The following PPARD variants were observed in gnomAD, a reference collection of about 807,000 sequenced individuals.
The protein encoded by PPARD is peroxisome proliferator-activated receptor delta.
A neutral mutation model predicts 39.5 loss-of-function variants in PPARD; 6 were observed. The observed-to-expected ratio is 0.15, with a 90% CI of 0.08 to 0.30. The LOEUF is 0.30. Among genes scored for constraint, PPARD ranks in the 10% least tolerant of loss-of-function variants. The pLI is 1.00. For synonymous variants in PPARD, 210 were observed against 231.3 expected (o/e 0.91, Z 0.83); for missense variants, 397 against 596.8 (o/e 0.67, Z 3.49).
intron 2 of PPARD, among the ~76,000 whole-genome samples, chr6:35,364,600 A>AT (rs543278087): frequency 0.013 from 1,927 of 146,724 alleles, 54 homozygotes; most frequent in African/African-American, 0.044. Context: ...CGCCTGGCTA[A>AT]TTTTTTTTTT....
At chr6:35,405,901 A>T (rs1035320876) in intron 2 of PPARD, among the ~76,000 whole-genome samples, 3 of 151,304 alleles carry the variant, frequency 2.0e-5, no homozygotes, top group African/African-American at 7.3e-5. Flanking sequence ...AAGTGCTGGG[A>T]TTACAGGCAT....
intron 1 of PPARD, among the ~76,000 whole-genome samples, chr6:35,344,772 T>C (rs998129496): frequency 7.2e-5 from 11 of 152,174 alleles, no homozygotes; most frequent in African/African-American, 2.7e-4. Flanking sequence ...GACCAGACTT[T>C]AAAGTTTTGT....
chr6:35,352,339 A>G (rs759524219), intron 2 of PPARD, among the ~76,000 whole-genome samples: 13 of 151,666 alleles, frequency 8.6e-5, no homozygotes, highest in Non-Finnish European at 1.0e-4. Flanking sequence ...GCGCACCCCA[A>G]TGCCCGGCTA....
Position 35,420,426 on chromosome 6 carries a change from T to G in PPARD, c.285+145T>G, listed in dbSNP as rs1234432369. ...TGCCCAGGAGGCAGCCAGGCCCTTGTGCTCCAGACCTCAGCTCTGGGCACT... is the reference window on the plus strand; with the variant it reads ...TGCCCAGGAGGCAGCCAGGCCCTTGGGCTCCAGACCTCAGCTCTGGGCACT... On this transcript the variant is annotated intron_variant, in intron 4 of 7. Transcript: ENST00000360694. 4.3e-6 allele frequency: 5 copies of G among 1,169,350 alleles called. 1 individual carries two copies. In the South Asian group the frequency reaches 6.7e-5, roughly 16 times the overall value. The allele number at this position is 1,169,350 out of a possible 1,614,324, so 72.4% of individuals were successfully genotyped here. A position where few individuals can be genotyped will look rare whatever the true frequency, so the allele number is the denominator to read the frequency against.
chr6:35,391,008 C>T (rs1048242496), intron 2 of PPARD, among the ~76,000 whole-genome samples: 12 of 151,938 alleles, frequency 7.9e-5, no homozygotes, highest in Non-Finnish European at 1.5e-4. Context: ...GTCTTGGTGA[C>T]AGAGTGAGAC....
intron 2 of PPARD, among the ~76,000 whole-genome samples, chr6:35,409,474 C>A (rs905808604): frequency 2.0e-5 from 3 of 151,970 alleles, no homozygotes; most frequent in African/African-American, 7.3e-5. Flanking sequence ...CACTGCACTC[C>A]AGCCTAGGCG....
chr6:35,363,922 TATTAA>T lies in PPARD; in HGVS notation c.-102+16778_-102+16782del, dbSNP rs1217729273. Among the ~76,000 whole-genome samples the T allele has an allele frequency of 1.3e-5, 2 of 148,488 alleles. No homozygotes were observed. The highest frequency in any genetic ancestry group is 1.9e-4 in the East Asian group (1 of 5,170). ...TATATTAACTGTGTTTTATATATTATATTAAATTAATATATTTATATATTATATTA... is the reference window on the plus strand; with the variant it reads ...TATATTAACTGTGTTTTATATATTATATTAATATATTTATATATTATATTA... On this transcript the variant is annotated intron_variant, in intron 2 of 7. Transcript: ENST00000360694. This position sits in a 1 kb window ranked among gnomAD's most constrained non-coding sequence, Gnocchi z 4.5.
At chr6:35,394,606 A>T (rs1335745193) in intron 2 of PPARD, among the ~76,000 whole-genome samples, 4 of 151,880 alleles carry the variant, frequency 2.6e-5, no homozygotes, top group Admixed American at 1.3e-4. Flanking sequence ...CCCCATCTCT[A>T]CTAAAAATAC....
At chr6:35,358,270 A>G (rs1389192533) in intron 2 of PPARD, among the ~76,000 whole-genome samples, 1 of 152,156 alleles carries the variant, frequency 6.6e-6, no homozygotes, top group African/African-American at 2.4e-5. Flanking sequence ...AATGCAACGA[A>G]CGTAGCTTTG....
At chr6:35,416,733 C>A (rs1235854319) in intron 3 of PPARD, among the ~76,000 whole-genome samples, 1 of 152,190 alleles carries the variant, frequency 6.6e-6, no homozygotes, top group Non-Finnish European at 1.5e-5. Flanking sequence ...TCTGCCATCA[C>A]CTTTCTTTCA....
chr6:35,399,664 T>A (rs1327733935), intron 2 of PPARD, among the ~76,000 whole-genome samples: 2 of 152,042 alleles, frequency 1.3e-5, no homozygotes, highest in South Asian at 4.1e-4. Flanking sequence ...TGAACTGAGG[T>A]CACACCTGCA....
chr6:35,419,283 G>A (rs1765986997), intron 3 of PPARD, among the ~76,000 whole-genome samples: 1 of 152,170 alleles, frequency 6.6e-6, no homozygotes, highest in Non-Finnish European at 1.5e-5. Context: ...AGGAAGCTGA[G>A]ACTCAGTTCA....
chr6:35,374,657 CAAAAA>C (rs372824499), intron 2 of PPARD, among the ~76,000 whole-genome samples: 2 of 80,574 alleles, frequency 2.5e-5, no homozygotes, highest in African/African-American at 3.5e-5. Flanking sequence ...GACTCTGTCT[CAAAAA>C]AAAAAAAAAA....
chr6:35,360,605 G>A (rs935234542), intron 2 of PPARD, among the ~76,000 whole-genome samples: 3 of 152,212 alleles, frequency 2.0e-5, no homozygotes, highest in Non-Finnish European at 1.5e-5. Context: ...GGCTCTCCAG[G>A]TATGTGCAAA....
At chr6:35,419,336 AG>A (rs1765989760) in intron 3 of PPARD, among the ~76,000 whole-genome samples, 1 of 152,176 alleles carries the variant, frequency 6.6e-6, no homozygotes, top group African/African-American at 2.4e-5. Flanking sequence ...GAGTGTCCAA[AG>A]GGCACTGGGA....
rs1562232817 is a variant in PPARD at position 35,427,732 on chromosome 6, TAGG to T, written c.*1656_*1658del. On this transcript the variant is annotated 3_prime_UTR_variant, in exon 8 of 8. Coordinates refer to ENST00000360694, the MANE Select transcript of PPARD (RefSeq NM_006238.5). ...TGGCTGGAGTCTCAGAGCACAGAGG[TAGG>T]AGAACTGGGGTTCAAGCCCAGGCTT... The T allele has an allele frequency of 1.3e-5, 2 of 152,458 alleles. No individual in the cohort carries two copies. Among genetic ancestry groups the T allele is most frequent in the African/African-American group, 2.4e-5 (1 of 41,430 alleles). 9.4% of individuals were successfully genotyped at this position (152,458 alleles called of 1,614,324 possible).
In PPARD at chr6:35,347,150, G is replaced by A. The variant is rs1582261788; in HGVS notation, c.-102G>A. 6.5e-7 allele frequency: 1 copy of A among 1,536,068 alleles called. No homozygotes were observed. Among genetic ancestry groups the A allele is most frequent in the East Asian group, 2.4e-5 (1 of 40,906 alleles). ...CAGATGAAGACAGATGCACCAACGA[G>A]GTAATCCCATTTTCTTTACTCAGGG... On this transcript the variant is annotated splice_region_variant and 5_prime_UTR_variant, in exon 2 of 8. Transcript: ENST00000360694.
chr6:35,410,981 G>C lies in PPARD; in HGVS notation c.-101-6G>C. 1 of 1,279,866 alleles carries C rather than the reference G, an allele frequency of 7.8e-7. No homozygotes were observed. The highest frequency in any genetic ancestry group is 1.0e-6 in the Non-Finnish European group (1 of 1,003,098). 79.3% of individuals were successfully genotyped at this position (1,279,866 alleles called of 1,614,324 possible). A position where few individuals can be genotyped will look rare whatever the true frequency, so the allele number is the denominator to read the frequency against. ...CTGACCTCTTCCTGTCTTCTCCTCT[G>C]CCCAGGCTGATGGGAACCACCCTGT... On this transcript the variant is annotated splice_region_variant and splice_polypyrimidine_tract_variant and intron_variant, in intron 2 of 7. Coordinates refer to ENST00000360694, the MANE Select transcript of PPARD (RefSeq NM_006238.5).
At chr6:35,352,372 G>C (rs1761313059) in intron 2 of PPARD, among the ~76,000 whole-genome samples, 2 of 151,840 alleles carry the variant, frequency 1.3e-5, no homozygotes, top group Admixed American at 6.6e-5. Flanking sequence ...TTTTAGTAGA[G>C]ATGGGGTTTC....
Sources: allele counts gnomAD v4.1 joint callset (sites outside exome capture counted in the v4.1 genomes callset), GRCh38; gene constraint gnomAD v4.1.1; non-coding constraint Gnocchi (gnomAD v3.1); transcripts MANE v1.5; gene names NCBI Gene and HGNC (gene_info 2026-07-23, HGNC 2026-07-21).